Variants in GTF2B observed in about 807,000 individuals in gnomAD.
The protein encoded by GTF2B is transcription initiation factor IIB.
Under a neutral mutation model 34.6 loss-of-function variants are expected in GTF2B, and 20 were observed. That is an observed-to-expected ratio of 0.58 (90% CI 0.41 to 0.84). GTF2B has a LOEUF of 0.84. Ranked by LOEUF, GTF2B falls within the 40% of genes least tolerant of loss-of-function variation. The pLI is 0.00. For missense variants in GTF2B, 237 were observed against 393.3 expected, an observed-to-expected ratio of 0.60 and a Z score of 3.36; for synonymous variants, 142 against 132.4, an observed-to-expected ratio of 1.07 and a Z score of -0.50.
At chr1:88,873,432 C>T (rs1449116337) in intron 2 of GTF2B, among the ~76,000 whole-genome samples, 1 of 151,960 alleles carries the variant, frequency 6.6e-6, no homozygotes, top group African/African-American at 2.4e-5. Context: ...AACTCCTGAC[C>T]TCGTGATCTG....
rs952306137 is a variant in GTF2B, at chr1:88,887,344, G to A, written c.41C>T (p.Thr14Ile). 3 of 1,609,008 alleles carry A rather than the reference G, an allele frequency of 1.9e-6. No individual in the cohort carries two copies. Among genetic ancestry groups the A allele is most frequent in the East Asian group, 4.5e-5 (2 of 44,850 alleles). ...AATCGCATCTGGATGGTTTGGACAT[G>A]TGACTCTTGGAAGAGCATCCAAACT... ...TSRLDALPRV[T>I]CPNHPDAILV... The change falls in exon 2 of 7, where the codon ACA becomes ATA. Residue 14 changes from threonine (T) to isoleucine (I), a missense_variant. Coordinates refer to ENST00000370500, the MANE Select transcript of GTF2B (RefSeq NM_001514.6).
intron 1 of GTF2B, 77 bp from the exon 2 acceptor site, chr1:88,887,444 GA>G: frequency 1.2e-6 from 1 of 860,306 alleles, no homozygotes; most frequent in South Asian, 1.3e-5. Context: ...GGGGGATGGG[GA>G]AGACAAAGAT....
At chr1:88,881,662 C>CGTAT (rs1262107560) in intron 2 of GTF2B, among the ~76,000 whole-genome samples, 2 of 151,842 alleles carry the variant, frequency 1.3e-5, no homozygotes, top group African/African-American at 4.8e-5. Flanking sequence ...ATGAGCCTAC[C>CGTAT]GTATATTTTA....
At chr1:88,864,994 G>A (rs150029647) in intron 2 of GTF2B, among the ~76,000 whole-genome samples, 1 of 152,302 alleles carries the variant, frequency 6.6e-6, no homozygotes, top group Non-Finnish European at 1.5e-5. Context: ...TGTAAAACAT[G>A]ACCTTTTTCA....
At chr1:88,873,182 G>GTTTTT (rs869087763) in intron 2 of GTF2B, among the ~76,000 whole-genome samples, 22 of 100,448 alleles carry the variant, frequency 2.2e-4, no homozygotes, top group South Asian at 3.6e-4. Context: ...ATTCCATTAA[G>GTTTTT]TTTTTTTTTT....
chr1:88,873,482 A>G (rs1673747177), intron 2 of GTF2B, among the ~76,000 whole-genome samples: 1 of 152,026 alleles, frequency 6.6e-6, no homozygotes. Context: ...TATGGGTGTG[A>G]GCCACCACGC....
At chr1:88,877,208 A>G (rs1673836612) in intron 2 of GTF2B, among the ~76,000 whole-genome samples, 1 of 152,206 alleles carries the variant, frequency 6.6e-6, no homozygotes, top group Admixed American at 6.5e-5. Context: ...GGTATAAACA[A>G]TATGCAGAAT....
At chr1:88,881,122 G>A (rs1570734552) in intron 2 of GTF2B, among the ~76,000 whole-genome samples, 2 of 149,532 alleles carry the variant, frequency 1.3e-5, no homozygotes, top group Non-Finnish European at 3.0e-5. Flanking sequence ...ATATGAGTTT[G>A]GCCAGAAGCT....
intron 2 of GTF2B, among the ~76,000 whole-genome samples, chr1:88,880,294 ATGT>A (rs1297812665): frequency 1.3e-5 from 2 of 152,162 alleles, no homozygotes; most frequent in African/African-American, 4.8e-5. Flanking sequence ...AAAGTCACAA[ATGT>A]TGTCCCTTAG....
intron 2 of GTF2B, among the ~76,000 whole-genome samples, chr1:88,877,177 T>TATTC (rs927547796): frequency 7.2e-4 from 109 of 152,344 alleles, no homozygotes; most frequent in African/African-American, 2.5e-3. Flanking sequence ...CCCATTTATA[T>TATTC]ATTCATATTT....
intron 2 of GTF2B, among the ~76,000 whole-genome samples, chr1:88,873,864 A>C (rs1000114413): frequency 6.6e-6 from 1 of 152,204 alleles, no homozygotes; most frequent in African/African-American, 2.4e-5. Context: ...GCTACAAGGG[A>C]AACTGGGAAA....
chr1:88,866,362 G>A (rs944945674), intron 2 of GTF2B, among the ~76,000 whole-genome samples: 1 of 152,120 alleles, frequency 6.6e-6, no homozygotes, highest in Non-Finnish European at 1.5e-5. Flanking sequence ...GTAAGCAAAT[G>A]CTCAAGAGAA....
intron 2 of GTF2B, among the ~76,000 whole-genome samples, chr1:88,865,897 T>G (rs1009451181): frequency 1.3e-5 from 2 of 151,272 alleles, no homozygotes; most frequent in African/African-American, 4.9e-5. Context: ...CATAGAAGAC[T>G]TTAAAAGCTT....
intron 2 of GTF2B, among the ~76,000 whole-genome samples, chr1:88,877,284 T>C (rs1673838142): frequency 6.6e-6 from 1 of 152,238 alleles, no homozygotes; most frequent in South Asian, 2.1e-4. Flanking sequence ...TAAGCTATTT[T>C]CCAGTATTTT....
intron 2 of GTF2B, among the ~76,000 whole-genome samples, chr1:88,868,568 TTACCA>T (rs1355292818): frequency 2.0e-5 from 3 of 152,320 alleles, no homozygotes; most frequent in Middle Eastern, 6.8e-3. Context: ...CTGAAACATC[TTACCA>T]TATTCTGAAG....
At position 88,857,390 on chromosome 1, in the gene GTF2B, A is replaced by C. The variant is rs1301601396; in HGVS notation, c.633T>G (p.Thr211=). Residue 211 remains threonine, a synonymous_variant, in exon 6 of 7, where the codon ACT becomes ACG. Transcript: ENST00000370500. ...AACAGAACCTGGACATGAAGTCCCC[A>C]GTTGTAATCAAATCCACACTGGTTT... The part of the protein sequence containing the change: ...ALETSVDLIT[T]GDFMSRFCSN... 4 of 1,612,164 alleles carry C rather than the reference A, an allele frequency of 2.5e-6. No homozygotes were observed. The highest frequency in any genetic ancestry group is 3.4e-6 in the Non-Finnish European group (4 of 1,178,180).
intron 5 of GTF2B, chr1:88,858,742 T>C (rs1258507533): frequency 6.6e-6 from 1 of 152,160 alleles, no homozygotes; most frequent in Non-Finnish European, 1.5e-5. Context: ...TGGAAGTCAG[T>C]GAGCAACACT....
chr1:88,853,392 T>C (rs1415854367), intron 6 of GTF2B, 46 bp from the exon 7 acceptor site: 24 of 1,541,454 alleles, frequency 1.6e-5, no homozygotes, highest in Non-Finnish European at 2.1e-5. Flanking sequence ...CCATCCTACC[T>C]CCTTTCCACT....
chr1:88,853,990 T>C (rs896148280), intron 6 of GTF2B, among the ~76,000 whole-genome samples: 2 of 152,204 alleles, frequency 1.3e-5, no homozygotes, highest in Non-Finnish European at 2.9e-5. Flanking sequence ...ATAAAATATA[T>C]GAATAGTGTT....
Sources: gnomAD v4.1 joint callset for allele counts (sites outside exome capture counted in the v4.1 genomes callset) on GRCh38, gnomAD v4.1.1 for gene constraint, MANE v1.5 for transcripts, NCBI Gene and HGNC (gene_info 2026-07-23, HGNC 2026-07-21) for gene names.